Variants in KCNQ5 observed in about 807,000 individuals in gnomAD.
KCNQ5 encodes potassium voltage-gated channel subfamily Q member 5.
KCNQ5 carries 30 observed loss-of-function variants against 98.2 expected under a neutral mutation model. That is an observed-to-expected ratio of 0.31 (90% confidence interval 0.23 to 0.41). KCNQ5 has a LOEUF of 0.41. Ranked by LOEUF, KCNQ5 falls within the 10% of genes least tolerant of loss-of-function variation. The pLI, the probability that KCNQ5 is intolerant of heterozygous loss-of-function variation, is 1.00. For synonymous variants in KCNQ5, 458 were observed against 449.4 expected, an observed-to-expected ratio of 1.02 and a Z score of -0.24; for missense variants, 835 against 1,182.5, an observed-to-expected ratio of 0.71 and a Z score of 4.31.
intron 1 of KCNQ5, among the ~76,000 whole-genome samples, chr6:72,890,579 A>G (rs1779019436): frequency 6.6e-6 from 1 of 152,156 alleles, no homozygotes; most frequent in Non-Finnish European, 1.5e-5. Flanking sequence ...GTGGTCATGA[A>G]TTGTGCCACC....
chr6:72,943,491 A>G (rs947080678), intron 1 of KCNQ5, among the ~76,000 whole-genome samples: 2 of 152,230 alleles, frequency 1.3e-5, no homozygotes, highest in African/African-American at 4.8e-5. Flanking sequence ...ACCTACAGAA[A>G]CACCTGTACT....
At chr6:72,801,693 CG>C (rs1047280109) in intron 1 of KCNQ5, among the ~76,000 whole-genome samples, 4 of 139,530 alleles carry the variant, frequency 2.9e-5, no homozygotes, top group South Asian at 4.3e-4. Flanking sequence ...TTATTTTGCT[CG>C]TTAGTTGATG....
intron 1 of KCNQ5, chr6:72,967,892 T>C (rs117510659): frequency 0.01 from 1,566 of 153,268 alleles, 16 homozygotes; most frequent in Non-Finnish European, 0.016. Context: ...CCACTGCACC[T>C]GACCCATTTT....
intron 1 of KCNQ5, among the ~76,000 whole-genome samples, chr6:72,935,783 G>T (rs1765888772): frequency 6.6e-6 from 1 of 152,040 alleles, no homozygotes; most frequent in Non-Finnish European, 1.5e-5. Flanking sequence ...TCAATGAAAC[G>T]GTTTTTGCCA....
intron 2 of KCNQ5, among the ~76,000 whole-genome samples, chr6:73,020,718 T>A (rs1206855036): frequency 6.6e-6 from 1 of 152,056 alleles, no homozygotes; most frequent in Non-Finnish European, 1.5e-5. Context: ...CAGCTACCAG[T>A]CAATTCATAC....
intron 1 of KCNQ5, among the ~76,000 whole-genome samples, chr6:72,896,939 TGTTGGTTG>T (rs572167810): frequency 1.5e-4 from 23 of 151,318 alleles, no homozygotes; most frequent in Non-Finnish European, 2.1e-4. Flanking sequence ...TTTGTTTGTT[TGTTGGTTG>T]GTTGGTTGGT....
intron 1 of KCNQ5, among the ~76,000 whole-genome samples, chr6:72,982,204 T>C (rs866330931): frequency 1.3e-5 from 2 of 152,346 alleles, no homozygotes; most frequent in African/African-American, 4.8e-5. Flanking sequence ...AAGTCTTGTA[T>C]ATTCTTGTTA....
chr6:72,813,716 G>A (rs1374661764), intron 1 of KCNQ5, among the ~76,000 whole-genome samples: 1 of 152,120 alleles, frequency 6.6e-6, no homozygotes, highest in African/African-American at 2.4e-5. Context: ...ATTGTATATG[G>A]CCAAAGCACA....
chr6:72,931,805 A>G (rs1765705377), intron 1 of KCNQ5, among the ~76,000 whole-genome samples: 1 of 152,198 alleles, frequency 6.6e-6, no homozygotes, highest in African/African-American at 2.4e-5. Flanking sequence ...CACTTTGGCA[A>G]AAATTGGAGG....
intron 11 of KCNQ5, among the ~76,000 whole-genome samples, chr6:73,180,262 G>C (rs1333951884): frequency 2.0e-5 from 3 of 152,188 alleles, no homozygotes; most frequent in Admixed American, 6.5e-5. Flanking sequence ...TAACAGTTCA[G>C]AGCCTAACAC....
At chr6:73,077,536 A>C in intron 4 of KCNQ5, 39 bp downstream of exon 4, 3 of 1,563,824 alleles carry the variant, frequency 1.9e-6, no homozygotes, top group Non-Finnish European at 2.6e-6. Context: ...ACAATTTTTG[A>C]AACTTTTTCA....
At chr6:72,777,962 A>G (rs1773243743) in intron 1 of KCNQ5, among the ~76,000 whole-genome samples, 1 of 152,226 alleles carries the variant, frequency 6.6e-6, no homozygotes, top group Non-Finnish European at 1.5e-5. Flanking sequence ...ATATTCAGTT[A>G]GAGAAAATCA....
At chr6:72,688,777 T>C (rs1282177530) in intron 1 of KCNQ5, among the ~76,000 whole-genome samples, 1 of 152,224 alleles carries the variant, frequency 6.6e-6, no homozygotes, top group African/African-American at 2.4e-5. Context: ...CCTAACTTGT[T>C]TGAATGTTCT....
intron 1 of KCNQ5, among the ~76,000 whole-genome samples, chr6:72,636,045 G>A (rs916226341): frequency 6.6e-6 from 1 of 152,084 alleles, no homozygotes; most frequent in African/African-American, 2.4e-5. Context: ...TTTGGGAATA[G>A]TCAGATATTC....
chr6:73,163,621 A>G (rs1360804429), intron 10 of KCNQ5, among the ~76,000 whole-genome samples: 1 of 152,132 alleles, frequency 6.6e-6, no homozygotes, highest in Non-Finnish European at 1.5e-5. Flanking sequence ...GGTGGCAGGC[A>G]CCCGTAATCC....
At chr6:72,877,442 A>AT (rs999827430) in intron 1 of KCNQ5, among the ~76,000 whole-genome samples, 15 of 151,348 alleles carry the variant, frequency 9.9e-5, no homozygotes, top group East Asian at 9.7e-4. Context: ...TATGTACCAC[A>AT]TTTTTTTTTA....
At chr6:72,941,964 A>G (rs1766333923) in intron 1 of KCNQ5, among the ~76,000 whole-genome samples, 1 of 152,118 alleles carries the variant, frequency 6.6e-6, no homozygotes, top group South Asian at 2.1e-4. Context: ...GTAAGGGCAT[A>G]TGTCTGAAAC....
chr6:72,642,805 A>G (rs900185157), intron 1 of KCNQ5, among the ~76,000 whole-genome samples: 15 of 152,204 alleles, frequency 9.9e-5, no homozygotes, highest in African/African-American at 3.6e-4. Context: ...AGACACATGT[A>G]CACGTATGTT....
chr6:72,932,851 T>C (rs879372747), intron 1 of KCNQ5, among the ~76,000 whole-genome samples: 1 of 152,194 alleles, frequency 6.6e-6, no homozygotes, highest in Non-Finnish European at 1.5e-5. Context: ...ACTCATCTAC[T>C]TTATGACTTA....
Sources: gnomAD v4.1 joint callset for allele counts (sites outside exome capture counted in the v4.1 genomes callset) on GRCh38, gnomAD v4.1.1 for gene constraint, MANE v1.5 for transcripts, NCBI Gene and HGNC (gene_info 2026-07-23, HGNC 2026-07-21) for gene names.